MAP6D1: variants seen among roughly 807,000 people sequenced by gnomAD.
The protein encoded by MAP6D1 is MAP6 domain-containing protein 1.
A neutral mutation model predicts 17.4 loss-of-function variants in MAP6D1; 13 were observed. That is an observed-to-expected ratio of 0.75 (90% CI 0.49 to 1.19). The LOEUF (loss-of-function observed/expected upper bound fraction) is 1.19, where lower values mean the gene tolerates loss of function less well. Among genes scored for constraint, MAP6D1 ranks in the 50% most tolerant of loss-of-function variants. MAP6D1 has a pLI of 0.00. For missense variants in MAP6D1, 313 were observed against 312.6 expected (o/e 1.00, Z -0.01); for synonymous variants, 141 against 145.7 (o/e 0.97, Z 0.23).
intron 1 of MAP6D1, among the ~76,000 whole-genome samples, chr3:183,822,767 G>A (rs1211320198): frequency 6.6e-6 from 1 of 152,226 alleles, no homozygotes; most frequent in African/African-American, 2.4e-5. Flanking sequence ...CTAGCCAGCT[G>A]GAGGGGCCTG....
chr3:183,819,252 A>G (rs1397174058), intron 1 of MAP6D1, among the ~76,000 whole-genome samples: 1 of 152,254 alleles, frequency 6.6e-6, no homozygotes, highest in East Asian at 1.9e-4. Flanking sequence ...TGCCAGGAGG[A>G]GAGCTAGGCC....
rs570590442 is a variant in MAP6D1, at chr3:183,818,050, G to C, written c.463C>G (p.Arg155Gly). ...PSRSTKTKPA[R>G]VITTHTSGWD... The stretch of plus-strand genomic sequence containing the variant: ...CCCGAAGTGTGGGTTGTGATGACTC[G>C]GGCTGGTTTTGTCTTTGTGGATCTT... Residue 155 changes from arginine (R) to glycine (G), a missense_variant, in exon 2 of 3, where the codon CGA (arginine) becomes GGA (glycine). Coordinates refer to ENST00000318631, the MANE Select transcript of MAP6D1 (RefSeq NM_024871.4). The C allele has an allele frequency of 1.2e-6, 2 of 1,614,114 alleles. No homozygotes were observed. Among genetic ancestry groups the C allele is most frequent in the East Asian group, 4.5e-5 (2 of 44,878 alleles).
Position 183,815,993 on chromosome 3 carries a change from C to CTCTT in MAP6D1, c.*1359_*1362dup, listed in dbSNP as rs1553888245. ...TTTCCACAGACACCCAGCAGGCAGCCTCTTTTCTCTTAGAAAAATCAAACA... is the reference window on the plus strand; with the variant it reads ...TTTCCACAGACACCCAGCAGGCAGCCTCTTTCTTTTCTCTTAGAAAAATCAAACA... On this transcript the variant is annotated 3_prime_UTR_variant, in exon 3 of 3. Coordinates refer to ENST00000318631, the MANE Select transcript of MAP6D1 (RefSeq NM_024871.4). The CTCTT allele has an allele frequency of 2.0e-5, 3 of 152,200 alleles. No homozygotes were observed. The highest frequency in any genetic ancestry group is 7.2e-5 in the African/African-American group (3 of 41,438). The allele number at this position is 152,200 out of a possible 1,614,324, so 9.4% of individuals were successfully genotyped here. A position where few individuals can be genotyped will look rare whatever the true frequency, so the allele number is the denominator to read the frequency against.
chr3:183,823,616 C>CAAAAAT (rs371704551), intron 1 of MAP6D1, among the ~76,000 whole-genome samples: 1 of 150,944 alleles, frequency 6.6e-6, no homozygotes, highest in Non-Finnish European at 1.5e-5. Context: ...AGAAAAAAAT[C>CAAAAAT]AAAAATAAAA....
At chr3:183,819,321 C>T (rs999944746) in intron 1 of MAP6D1, among the ~76,000 whole-genome samples, 4 of 152,220 alleles carry the variant, frequency 2.6e-5, no homozygotes, top group African/African-American at 9.6e-5. Flanking sequence ...ACCAGCTGCC[C>T]AAACCATATG....
intron 1 of MAP6D1, among the ~76,000 whole-genome samples, chr3:183,821,144 C>G (rs962334700): frequency 1.3e-5 from 2 of 151,896 alleles, no homozygotes; most frequent in South Asian, 2.1e-4. Flanking sequence ...AATTTACACA[C>G]CAGGAGGTAA....
intron 1 of MAP6D1, among the ~76,000 whole-genome samples, chr3:183,823,256 A>C (rs927335794): frequency 2.0e-5 from 3 of 151,830 alleles, no homozygotes; most frequent in Non-Finnish European, 2.9e-5. Context: ...AGCTTCCCAA[A>C]GTGCTGGGAT....
At chr3:183,824,344 A>G (rs1443756397) in intron 1 of MAP6D1, among the ~76,000 whole-genome samples, 1 of 152,262 alleles carries the variant, frequency 6.6e-6, no homozygotes, top group Non-Finnish European at 1.5e-5. Flanking sequence ...AGGATAAAAT[A>G]CTGCACGTTT....
chr3:183,818,143 C>T, intron 1 of MAP6D1, 32 bp from the exon 2 acceptor site: 3 of 1,585,812 alleles, frequency 1.9e-6, no homozygotes, highest in Non-Finnish European at 2.6e-6. Flanking sequence ...CAAGCTTGCA[C>T]AGGGTCAGCC....
chr3:183,817,433 G>A lies in MAP6D1; in HGVS notation c.523C>T (p.Pro175Ser). 6.4e-7 allele frequency: 1 copy of A among 1,561,772 alleles called. No homozygotes were observed. Among genetic ancestry groups the A allele is most frequent in the Non-Finnish European group, 8.7e-7 (1 of 1,152,200 alleles). ...GGAGTGAACTTCTTCCTCACCTCTGGGACCTGAAAAATGAAGTGTGGCCAC... is the reference window on the plus strand; with the variant it reads ...GGAGTGAACTTCTTCCTCACCTCTGAGACCTGAAAAATGAAGTGTGGCCAC... ...DSSPGAGFQV[P>S]EVRKKFTPNP... Residue 175 changes from proline to serine, a missense_variant, in exon 3 of 3, where the codon CCA becomes TCA. Transcript: ENST00000318631.
At chr3:183,822,895 C>A (rs955639348) in intron 1 of MAP6D1, among the ~76,000 whole-genome samples, 8 of 152,230 alleles carry the variant, frequency 5.3e-5, no homozygotes, top group Admixed American at 2.0e-4. Context: ...GCTTCAGCTC[C>A]GGGAAGGAAG....
At position 183,818,269 on chromosome 3, in the gene MAP6D1, G is replaced by A. The variant is rs955307242; in HGVS notation, c.402-158C>T. 1.6e-4 allele frequency among the ~76,000 whole-genome samples: 24 copies of A among 152,202 alleles called. 1 individual carries two copies. The highest frequency in any genetic ancestry group is 1.4e-3 in the Admixed American group (22 of 15,286). ...ATCTTCCCAAAGACAGAACTGGCAA[G>A]GCAAGTGCACTCCCGTGCAGGCCCA... On this transcript the variant is annotated intron_variant, in intron 1 of 2. Transcript: ENST00000318631.
chr3:183,817,245 G>GCC lies in MAP6D1; in HGVS notation c.*109_*110dup. ...TGGTGACAGCTTTGAGAGGGGCTGT[G>GCC]CCCTCCCGCAGGGGCCCATGCCATG... On this transcript the variant is annotated 3_prime_UTR_variant, in exon 3 of 3. Coordinates refer to ENST00000318631, the MANE Select transcript of MAP6D1 (RefSeq NM_024871.4). 1 of 1,080,604 alleles carries GCC rather than the reference G, an allele frequency of 9.3e-7. No homozygotes were observed. Among genetic ancestry groups the GCC allele is most frequent in the Non-Finnish European group, 1.4e-6 (1 of 727,828 alleles). The allele number at this position is 1,080,604 out of a possible 1,614,324, so 66.9% of individuals were successfully genotyped here.
chr3:183,825,233 G>A lies in MAP6D1; in HGVS notation c.315C>T (p.Ser105=). The A allele has an allele frequency of 7.1e-7, 1 of 1,413,204 alleles. No homozygotes were observed. The highest frequency in any genetic ancestry group is 9.2e-7 in the Non-Finnish European group (1 of 1,082,764). 87.5% of individuals were successfully genotyped at this position (1,413,204 alleles called of 1,614,324 possible). The change falls in exon 1 of 3, where the codon TCC becomes TCT. Residue 105 remains serine, a synonymous_variant. Coordinates refer to ENST00000318631, the MANE Select transcript of MAP6D1 (RefSeq NM_024871.4). ...GRRGKSSAQS[S]APPAPGARGV... ...CGCGGGCGCCGGGCGCAGGTGGCGC[G>A]GAGGACTGCGCGGAGGATTTGCCCC...
intron 1 of MAP6D1, among the ~76,000 whole-genome samples, chr3:183,819,808 C>T (rs1379109077): frequency 6.6e-6 from 1 of 152,234 alleles, no homozygotes; most frequent in Non-Finnish European, 1.5e-5. Context: ...GCTGCTGACC[C>T]ATGTGCCTGA....
At chr3:183,819,374 G>A (rs546523053) in intron 1 of MAP6D1, among the ~76,000 whole-genome samples, 48 of 152,336 alleles carry the variant, frequency 3.2e-4, no homozygotes, top group African/African-American at 9.4e-4. Context: ...CCCTGGGCGC[G>A]CCCTTCTGTC....
chr3:183,823,357 T>A (rs1299278272), intron 1 of MAP6D1, among the ~76,000 whole-genome samples: 1 of 151,278 alleles, frequency 6.6e-6, no homozygotes, highest in African/African-American at 2.4e-5. Flanking sequence ...ATCCCAGCAC[T>A]TTGGGAGGCC....
intron 1 of MAP6D1, among the ~76,000 whole-genome samples, chr3:183,823,445 C>T (rs539528285): frequency 6.6e-6 from 1 of 151,902 alleles, no homozygotes; most frequent in South Asian, 2.1e-4. Context: ...ACTAAAAATA[C>T]AAAAAATTAG....
At position 183,817,263 on chromosome 3, in the gene MAP6D1, A is replaced by G; in HGVS notation, c.*93T>C. 1.5e-6 allele frequency: 2 copies of G among 1,298,258 alleles called. No homozygotes were observed. The highest frequency in any genetic ancestry group is 2.2e-6 in the Non-Finnish European group (2 of 920,816). The allele number at this position is 1,298,258 out of a possible 1,614,324, so 80.4% of individuals were successfully genotyped here. ...GGGCTGTGCCCTCCCGCAGGGGCCCATGCCATGCTCTCGCCCAGCCCCGCG... is the reference window on the plus strand; with the variant it reads ...GGGCTGTGCCCTCCCGCAGGGGCCCGTGCCATGCTCTCGCCCAGCCCCGCG... On this transcript the variant is annotated 3_prime_UTR_variant, in exon 3 of 3. Transcript: ENST00000318631.
Sources: allele counts gnomAD v4.1 joint callset (sites outside exome capture counted in the v4.1 genomes callset), GRCh38; gene constraint gnomAD v4.1.1; transcripts MANE v1.5; gene names NCBI Gene and HGNC (gene_info 2026-07-23, HGNC 2026-07-21).